PEX14: variants seen among roughly 807,000 people sequenced by gnomAD.
PEX14 encodes the protein peroxisomal membrane protein PEX14.
A neutral mutation model predicts 49.5 loss-of-function variants in PEX14; 15 were observed. That is an observed-to-expected ratio of 0.30 (90% CI 0.20 to 0.47). The LOEUF (loss-of-function observed/expected upper bound fraction) is 0.47, where lower values mean the gene tolerates loss of function less well. Ranked by LOEUF, PEX14 falls within the 20% of genes least tolerant of loss-of-function variation. The pLI, the probability that PEX14 is intolerant of heterozygous loss-of-function variation, is 1.00. For missense variants in PEX14, 398 were observed against 494.8 expected, an observed-to-expected ratio of 0.80 and a Z score of 1.86; for synonymous variants, 210 against 212.7, an observed-to-expected ratio of 0.99 and a Z score of 0.11.
chr1:10,612,728 C>T (rs914641327), intron 4 of PEX14, among the ~76,000 whole-genome samples: 1 of 152,250 alleles, frequency 6.6e-6, no homozygotes, highest in Admixed American at 6.5e-5. Context: ...CTTGTGCTCT[C>T]CACCTCTGTG....
intron 3 of PEX14, among the ~76,000 whole-genome samples, chr1:10,575,073 A>AT (rs1289909454): frequency 7.1e-6 from 1 of 141,562 alleles, no homozygotes; most frequent in Non-Finnish European, 1.6e-5. Flanking sequence ...CGTCTCTTAA[A>AT]TAAAAAAAAA....
intron 2 of PEX14, among the ~76,000 whole-genome samples, chr1:10,501,724 C>T (rs893078438): frequency 3.3e-5 from 5 of 152,174 alleles, no homozygotes; most frequent in East Asian, 1.9e-4. Context: ...AGACCAGATT[C>T]GGCAACATAG....
chr1:10,550,946 A>T (rs2124510238), intron 3 of PEX14, among the ~76,000 whole-genome samples: 1 of 152,344 alleles, frequency 6.6e-6, no homozygotes, highest in East Asian at 1.9e-4. Flanking sequence ...GCTGCCTTCC[A>T]TGAGGGCTTT....
intron 3 of PEX14, among the ~76,000 whole-genome samples, chr1:10,562,848 T>C (rs2124532545): frequency 6.6e-6 from 1 of 152,308 alleles, no homozygotes; most frequent in East Asian, 1.9e-4. Flanking sequence ...ATTATGAAGA[T>C]TGCTGAATCT....
Position 10,539,582 on chromosome 1 carries a change from C to T in PEX14, c.169+3285C>T, listed in dbSNP as rs998479138. 1.3e-5 allele frequency among the ~76,000 whole-genome samples: 1 copy of T among 74,364 alleles called. No homozygotes were observed. The highest frequency in any genetic ancestry group is 4.5e-5 in the Non-Finnish European group (1 of 22,042). The allele number at this position is 74,364 out of a possible 152,430, so 48.8% of individuals were successfully genotyped here. A position where few individuals can be genotyped will look rare whatever the true frequency, so the allele number is the denominator to read the frequency against. ...AATTGGACTGTGTGTGGGGTTTAAGCCCTCATAGAACCAGTCTATATATAG... is the reference window on the plus strand; with the variant it reads ...AATTGGACTGTGTGTGGGGTTTAAGTCCTCATAGAACCAGTCTATATATAG... On this transcript the variant is annotated intron_variant, in intron 3 of 8. Transcript: ENST00000356607. The surrounding 1 kb of genome is among the most constrained non-coding windows in gnomAD (Gnocchi z 4.6).
intron 3 of PEX14, among the ~76,000 whole-genome samples, chr1:10,583,773 G>A (rs1384243655): frequency 2.0e-5 from 3 of 152,104 alleles, no homozygotes; most frequent in Non-Finnish European, 2.9e-5. Flanking sequence ...TGAAGAAAAC[G>A]AGGAAGCAAA....
At chr1:10,491,768 C>T (rs1052779820) in intron 1 of PEX14, among the ~76,000 whole-genome samples, 1 of 150,658 alleles carries the variant, frequency 6.6e-6, no homozygotes, top group Admixed American at 6.6e-5. Flanking sequence ...GTAACCTCCG[C>T]CTCCCGGGTT....
chr1:10,568,177 A>G (rs1350355999), intron 3 of PEX14, among the ~76,000 whole-genome samples: 1 of 152,176 alleles, frequency 6.6e-6, no homozygotes, highest in East Asian at 1.9e-4. Context: ...TGCATCAGCA[A>G]ATACCTCCAG....
intron 1 of PEX14, among the ~76,000 whole-genome samples, chr1:10,480,861 A>C (rs56006920): frequency 0.34 from 44,270 of 129,564 alleles, 6,874 homozygotes; most frequent in East Asian, 0.44. Context: ...CTCTCTCTCT[A>C]TATATATATT....
At chr1:10,572,857 T>C (rs1363148647) in intron 3 of PEX14, among the ~76,000 whole-genome samples, 4 of 152,130 alleles carry the variant, frequency 2.6e-5, no homozygotes, top group African/African-American at 9.7e-5. Context: ...CTAAGAAACG[T>C]GTCATTAGAC....
intron 2 of PEX14, among the ~76,000 whole-genome samples, chr1:10,504,424 G>A (rs2124422499): frequency 6.6e-6 from 1 of 152,346 alleles, no homozygotes; most frequent in South Asian, 2.1e-4. Flanking sequence ...GCAGGAGTCT[G>A]GATAAATTAC....
chr1:10,630,383 T>G lies in PEX14; in HGVS notation c.*396T>G. 1 of 227,902 alleles carries G rather than the reference T, an allele frequency of 4.4e-6. No homozygotes were observed. Among genetic ancestry groups the G allele is most frequent in the South Asian group, 7.8e-5 (1 of 12,872 alleles). The allele number at this position is 227,902 out of a possible 1,614,324, so 14.1% of individuals were successfully genotyped here. On this transcript the variant is annotated 3_prime_UTR_variant, in exon 9 of 9. Transcript: ENST00000356607. The surrounding 1 kb of genome is among the most constrained non-coding windows in gnomAD (Gnocchi z 4.1). ...GGCCAGAGCTAGCGTCCCTACTGCCTCCCGACTCCTCAGTGGAGGAGGAGC... is the reference window on the plus strand; with the variant it reads ...GGCCAGAGCTAGCGTCCCTACTGCCGCCCGACTCCTCAGTGGAGGAGGAGC...
At chr1:10,602,917 C>T (rs571394626) in intron 4 of PEX14, among the ~76,000 whole-genome samples, 75 of 152,292 alleles carry the variant, frequency 4.9e-4, no homozygotes, top group African/African-American at 1.6e-3. Context: ...TGGCTTTTTA[C>T]GGACATTCCA....
intron 3 of PEX14, among the ~76,000 whole-genome samples, chr1:10,562,742 C>A (rs1286912668): frequency 6.6e-6 from 1 of 152,082 alleles, no homozygotes; most frequent in Non-Finnish European, 1.5e-5. Flanking sequence ...TTAATAAGTA[C>A]CTTCTGAGGA....
intron 5 of PEX14, among the ~76,000 whole-genome samples, chr1:10,620,717 G>A (rs951594088): frequency 6.6e-6 from 1 of 152,200 alleles, no homozygotes; most frequent in African/African-American, 2.4e-5. Context: ...GAGCCTGGGA[G>A]GCATAGGTTG....
chr1:10,475,572 G>A (rs1428524901), intron 1 of PEX14, among the ~76,000 whole-genome samples: 1 of 152,178 alleles, frequency 6.6e-6, no homozygotes, highest in African/African-American at 2.4e-5. Context: ...ACGCCACCAA[G>A]CTTTTGGCTG....
At chr1:10,525,750 C>T (rs1184352543) in intron 2 of PEX14, among the ~76,000 whole-genome samples, 3 of 152,006 alleles carry the variant, frequency 2.0e-5, no homozygotes, top group Non-Finnish European at 4.4e-5. Flanking sequence ...TTCAGCTTCC[C>T]GAGTAGCTGG....
intron 3 of PEX14, among the ~76,000 whole-genome samples, chr1:10,545,527 T>G (rs1051108033): frequency 3.3e-5 from 5 of 152,234 alleles, no homozygotes; most frequent in Non-Finnish European, 5.9e-5. Flanking sequence ...TGAAGCCACT[T>G]GACTTTGGAA....
intron 3 of PEX14, among the ~76,000 whole-genome samples, chr1:10,590,060 C>A (rs576488673): frequency 6.6e-6 from 1 of 152,254 alleles, no homozygotes; most frequent in South Asian, 2.1e-4. Flanking sequence ...GCCTGGGGTC[C>A]GAGCCTGGCC....
Sources: allele counts gnomAD v4.1 joint callset (sites outside exome capture counted in the v4.1 genomes callset), GRCh38; gene constraint gnomAD v4.1.1; non-coding constraint Gnocchi (gnomAD v3.1); transcripts MANE v1.5; gene names NCBI Gene and HGNC (gene_info 2026-07-23, HGNC 2026-07-21).